Variants in PPP4R4 observed in about 807,000 individuals in gnomAD.
PPP4R4 encodes serine/threonine-protein phosphatase 4 regulatory subunit 4.
In PPP4R4, 70 loss-of-function variants were observed where a neutral mutation model predicts 121.8. That is an observed-to-expected ratio of 0.57 (90% CI 0.47 to 0.70). The LOEUF (loss-of-function observed/expected upper bound fraction) is 0.70, where lower values mean the gene tolerates loss of function less well. PPP4R4 is among the 30% of genes least tolerant of loss of function. PPP4R4 has a pLI of 0.00. For synonymous variants in PPP4R4, 348 were observed against 355.7 expected (o/e 0.98, Z 0.24); for missense variants, 875 against 1,033.6 (o/e 0.85, Z 2.10).
chr14:94,224,416 A>G (rs1891582832), intron 3 of PPP4R4, among the ~76,000 whole-genome samples: 1 of 152,230 alleles, frequency 6.6e-6, no homozygotes, highest in African/African-American at 2.4e-5. Context: ...GCAAACCTTC[A>G]AAGTAGCTTG....
At chr14:94,275,345 ATGTCTGAC>A in intron 23 of PPP4R4, 21 bp from the exon 24 acceptor site, 1 of 1,610,274 alleles carries the variant, frequency 6.2e-7, no homozygotes, top group South Asian at 1.1e-5. Context: ...TATATTTGGT[ATGTCTGAC>A]TTTATATGTA....
intron 20 of PPP4R4, 52 bp from the exon 21 acceptor site, chr14:94,265,335 A>G: frequency 7.6e-7 from 1 of 1,312,866 alleles, no homozygotes; most frequent in Non-Finnish European, 1.1e-6. Context: ...ATTTATGGAG[A>G]TTAATAAGGA....
At chr14:94,269,274 T>C (rs188414838) in intron 23 of PPP4R4, among the ~76,000 whole-genome samples, 1 of 152,312 alleles carries the variant, frequency 6.6e-6, no homozygotes, top group Non-Finnish European at 1.5e-5. Context: ...TAACATTCCA[T>C]TCACAGTACC....
intron 5 of PPP4R4, among the ~76,000 whole-genome samples, 179 bp downstream of exon 5, chr14:94,231,494 T>A (rs1892033788): frequency 6.6e-6 from 1 of 152,164 alleles, no homozygotes; most frequent in African/African-American, 2.4e-5. Context: ...AAAGAATTCA[T>A]AGCTCTGTAC....
Position 94,230,618 on chromosome 14 carries a change from A to G in PPP4R4, c.326A>G (p.Gln109Arg). ...CTGCATGTTGCAGGAGTGGAAATGC[A>G]GTTAACGGCTGCGATGTCATTTCTG... ...EALHVAGVEM[Q>R]LTAAMSFLTI... is the part of the protein sequence containing the mutation. Residue 109 changes from glutamine to arginine, a missense_variant, in exon 4 of 25, where the codon CAG becomes CGG. Coordinates refer to ENST00000304338, the MANE Select transcript of PPP4R4 (RefSeq NM_058237.2). The G allele has an allele frequency of 1.9e-6, 3 of 1,613,202 alleles. No individual in the cohort carries two copies. Among genetic ancestry groups the G allele is most frequent in the Non-Finnish European group, 2.5e-6 (3 of 1,179,144 alleles).
At position 94,246,491 on chromosome 14, in the gene PPP4R4, G is replaced by C. The variant is rs1566687074; in HGVS notation, c.1563G>C (p.Gln521His). The change falls in exon 14 of 25, where the codon CAG becomes CAC. Residue 521 changes from glutamine (Q) to histidine (H), a missense_variant. Coordinates refer to ENST00000304338, the MANE Select transcript of PPP4R4 (RefSeq NM_058237.2). ...ACLPHVISSD[Q>H]IYYRFLQRMF... The stretch of plus-strand genomic sequence containing the variant: ...TGCCACATGTCATATCAAGCGATCA[G>C]ATTTATTACCGTTTCTTACAAAGAA... 6.2e-7 allele frequency: 1 copy of C among 1,614,030 alleles called. No individual in the cohort carries two copies. The highest frequency in any genetic ancestry group is 1.1e-5 in the South Asian group (1 of 91,060).
intron 3 of PPP4R4, among the ~76,000 whole-genome samples, chr14:94,219,830 C>CT (rs1891287557): frequency 2.6e-5 from 4 of 152,136 alleles, no homozygotes; most frequent in Admixed American, 6.5e-5. Flanking sequence ...GGTGTGATGA[C>CT]ACACACCTGT....
rs772811793 is a variant in PPP4R4 at position 94,240,791 on chromosome 14, A to T, written c.972A>T (p.Leu324=). 3 of 1,565,788 alleles carry T rather than the reference A, an allele frequency of 1.9e-6. No homozygotes were observed. The highest frequency in any genetic ancestry group is 2.6e-6 in the Non-Finnish European group (3 of 1,161,916). The change falls in exon 9 of 25, where the codon CTA becomes CTT. Residue 324 remains leucine (L), a synonymous_variant. Coordinates refer to ENST00000304338, the MANE Select transcript of PPP4R4 (RefSeq NM_058237.2). ...SFHLGKLCHG[L]YGIFTPDQHL... Reference sequence around the variant, plus strand: ...ATTTAGGAAAACTATGTCATGGACTATATGGTATGATATATCCTAAGAATT... The same window carrying T: ...ATTTAGGAAAACTATGTCATGGACTTTATGGTATGATATATCCTAAGAATT...
intron 3 of PPP4R4, among the ~76,000 whole-genome samples, chr14:94,217,322 T>G (rs765568491): frequency 1.7e-4 from 26 of 152,188 alleles, no homozygotes; most frequent in Non-Finnish European, 3.1e-4. Context: ...CCTGTTGTGC[T>G]GTGATTGCCA....
chr14:94,185,979 A>G (rs1377024980), intron 2 of PPP4R4, among the ~76,000 whole-genome samples: 3 of 152,138 alleles, frequency 2.0e-5, no homozygotes, highest in African/African-American at 7.2e-5. Flanking sequence ...GCAACCATTA[A>G]TCTGCTTTTT....
intron 8 of PPP4R4, among the ~76,000 whole-genome samples, chr14:94,240,157 T>C (rs1293149276): frequency 6.6e-6 from 1 of 152,192 alleles, no homozygotes; most frequent in East Asian, 1.9e-4. Flanking sequence ...AATTGATTAA[T>C]TTTTTAAAGA....
rs568730428 is a variant in PPP4R4 at position 94,276,653 on chromosome 14, A to G, written c.2597+1132A>G. 3.6e-4 allele frequency among the ~76,000 whole-genome samples: 53 copies of G among 148,320 alleles called. No homozygotes were observed. In the East Asian group the frequency reaches 1.0e-2, roughly 28 times the overall value. On this transcript the variant is annotated intron_variant, in intron 24 of 24. Coordinates refer to ENST00000304338, the MANE Select transcript of PPP4R4 (RefSeq NM_058237.2). ...CACCAAGCCGTGAGGGATCAGCCCCATGATCCAAACACCTCCCACCAGGCC... is the reference window on the plus strand; with the variant it reads ...CACCAAGCCGTGAGGGATCAGCCCCGTGATCCAAACACCTCCCACCAGGCC...
intron 3 of PPP4R4, among the ~76,000 whole-genome samples, chr14:94,221,534 T>C (rs1223901618): frequency 6.6e-6 from 1 of 151,914 alleles, no homozygotes; most frequent in East Asian, 1.9e-4. Context: ...TATGGAAAAA[T>C]TTTTAAGATG....
chr14:94,239,903 T>C (rs1388253381), intron 8 of PPP4R4, among the ~76,000 whole-genome samples: 1 of 152,198 alleles, frequency 6.6e-6, no homozygotes, highest in African/African-American at 2.4e-5. Context: ...CTGTAAGAAA[T>C]ACAGTGTGTT....
At chr14:94,264,125 A>G (rs1328144251) in intron 19 of PPP4R4, among the ~76,000 whole-genome samples, 1 of 152,002 alleles carries the variant, frequency 6.6e-6, no homozygotes, top group Admixed American at 6.6e-5. Flanking sequence ...GTATACCTAT[A>G]ATTTGTGTAC....
intron 11 of PPP4R4, 22 bp from the exon 12 acceptor site, chr14:94,244,613 A>C: frequency 1.4e-6 from 2 of 1,455,604 alleles, no homozygotes; most frequent in Non-Finnish European, 1.9e-6. Context: ...CAAATCTGAG[A>C]GACTTTATTG....
intron 16 of PPP4R4, among the ~76,000 whole-genome samples, chr14:94,252,488 C>A (rs377594226): frequency 2.4e-4 from 36 of 152,132 alleles, no homozygotes; most frequent in African/African-American, 8.4e-4. Flanking sequence ...CAAAAGAGCA[C>A]ATCACTTCCT....
At chr14:94,234,396 A>G (rs1429854012) in intron 6 of PPP4R4, among the ~76,000 whole-genome samples, 166 bp from the exon 7 acceptor site, 1 of 152,236 alleles carries the variant, frequency 6.6e-6, no homozygotes, top group African/African-American at 2.4e-5. Context: ...GTAGCTAATA[A>G]CATCCAAATT....
At chr14:94,204,836 A>G (rs1250094085) in intron 2 of PPP4R4, among the ~76,000 whole-genome samples, 1 of 152,118 alleles carries the variant, frequency 6.6e-6, no homozygotes, top group Non-Finnish European at 1.5e-5. Context: ...TTGTAATTTC[A>G]GTGTTCATGT....
Sources: allele counts gnomAD v4.1 joint callset (sites outside exome capture counted in the v4.1 genomes callset), GRCh38; gene constraint gnomAD v4.1.1; transcripts MANE v1.5; gene names NCBI Gene and HGNC (gene_info 2026-07-23, HGNC 2026-07-21).